COL21A1: variants seen among roughly 807,000 people sequenced by gnomAD.
COL21A1 encodes collagen type XXI alpha 1 chain.
In COL21A1, 149 loss-of-function variants were observed where a neutral mutation model predicts 137.9. The ratio of observed to expected loss-of-function variants is 1.08; its 90% CI spans 0.95 to 1.24. COL21A1 has a LOEUF of 1.24. Among genes scored for constraint, COL21A1 ranks in the 50% most tolerant of loss-of-function variants. COL21A1 has a pLI of 0.00. For synonymous variants in COL21A1, 456 were observed against 391.5 expected (o/e 1.16, Z -1.95); for missense variants, 1,167 against 1,158.4 (o/e 1.01, Z -0.11).
chr6:56,089,429 C>T (rs1220554388), intron 17 of COL21A1, among the ~76,000 whole-genome samples: 3 of 151,850 alleles, frequency 2.0e-5, no homozygotes, highest in African/African-American at 7.3e-5. Context: ...ATATTTTTTG[C>T]ACTCATGGCA....
intron 1 of COL21A1, among the ~76,000 whole-genome samples, chr6:56,267,770 A>G (rs9370496): frequency 1.7e-3 from 220 of 125,838 alleles, no homozygotes; most frequent in Middle Eastern, 4.2e-3. Flanking sequence ...AAAAAAAAAA[A>G]AAGAAGAAGA....
chr6:56,241,169 C>T (rs1057035947), intron 1 of COL21A1, among the ~76,000 whole-genome samples: 7 of 152,144 alleles, frequency 4.6e-5, no homozygotes, highest in Non-Finnish European at 1.0e-4. Flanking sequence ...TATTTGAACG[C>T]AAGGCCTTTC....
chr6:56,077,662 G>T, intron 17 of COL21A1, 89 bp from the exon 18 acceptor site: 2 of 709,204 alleles, frequency 2.8e-6, no homozygotes, highest in Non-Finnish European at 4.6e-6. Flanking sequence ...AATTTTAACT[G>T]GTAAATAACA....
At chr6:56,200,802 C>T (rs1167201494) in intron 1 of COL21A1, among the ~76,000 whole-genome samples, 1 of 152,012 alleles carries the variant, frequency 6.6e-6, no homozygotes, top group South Asian at 2.1e-4. Flanking sequence ...GATTTATAAT[C>T]CTTTGGGTAT....
intron 1 of COL21A1, among the ~76,000 whole-genome samples, chr6:56,257,478 A>G (rs3846928): frequency 0.15 from 22,889 of 152,168 alleles, 3,235 homozygotes; most frequent in East Asian, 0.61. Context: ...ATATATGAAC[A>G]CATAAATATA....
intron 1 of COL21A1, among the ~76,000 whole-genome samples, chr6:56,271,318 G>A (rs1346536465): frequency 6.6e-6 from 1 of 152,178 alleles, no homozygotes; most frequent in African/African-American, 2.4e-5. Flanking sequence ...ACTTGAGAGA[G>A]GGTATCTGGC....
intron 1 of COL21A1, among the ~76,000 whole-genome samples, chr6:56,342,392 A>G (rs1308348030): frequency 3.9e-5 from 6 of 152,322 alleles, no homozygotes; most frequent in African/African-American, 1.4e-4. Flanking sequence ...TAACTCCCAT[A>G]TTATTTGTTC....
chr6:56,091,271 C>T (rs1768790293), intron 17 of COL21A1, among the ~76,000 whole-genome samples: 1 of 152,114 alleles, frequency 6.6e-6, no homozygotes. Flanking sequence ...TACATGGTAA[C>T]TTGGACTGGC....
intron 1 of COL21A1, among the ~76,000 whole-genome samples, chr6:56,206,821 A>G (rs1275482445): frequency 1.3e-5 from 2 of 151,388 alleles, no homozygotes; most frequent in African/African-American, 4.8e-5. Context: ...CAAAAGAATG[A>G]AAATCATAAC....
chr6:56,166,438 G>A (rs1052045717), intron 7 of COL21A1, among the ~76,000 whole-genome samples: 2 of 152,046 alleles, frequency 1.3e-5, no homozygotes, highest in African/African-American at 2.4e-5. Context: ...AATCACCTGC[G>A]GTCAGGAGTT....
rs1210938153 is a variant in COL21A1, at chr6:56,056,747, A to G, written c.*910T>C. 1.3e-5 allele frequency: 2 copies of G among 152,196 alleles called. No homozygotes were observed. The highest frequency in any genetic ancestry group is 4.8e-5 in the African/African-American group (2 of 41,446). 9.4% of individuals were successfully genotyped at this position (152,196 alleles called of 1,614,324 possible). ...AATATTTTACAGTCAGCTAAAAATA[A>G]CAAGACATTCTAGGATTTCAGGAGT... On this transcript the variant is annotated 3_prime_UTR_variant, in exon 30 of 30. Coordinates refer to ENST00000244728, the MANE Select transcript of COL21A1 (RefSeq NM_030820.4).
At chr6:56,245,264 A>G (rs1782572201) in intron 1 of COL21A1, among the ~76,000 whole-genome samples, 1 of 152,226 alleles carries the variant, frequency 6.6e-6, no homozygotes. Flanking sequence ...CTATTTAAAT[A>G]TGAATGTTAA....
intron 1 of COL21A1, among the ~76,000 whole-genome samples, chr6:56,316,747 G>A (rs996842046): frequency 6.6e-6 from 1 of 151,698 alleles, no homozygotes; most frequent in Admixed American, 6.6e-5. Context: ...CTCCCAAAGT[G>A]CCCTCAGTTC....
At chr6:56,264,438 G>A (rs183510051) in intron 1 of COL21A1, among the ~76,000 whole-genome samples, 9 of 152,202 alleles carry the variant, frequency 5.9e-5, no homozygotes, top group Admixed American at 5.9e-4. Context: ...CCTTTGGGAT[G>A]TTTATTCCTA....
At chr6:56,062,232 A>C (rs1207127795) in intron 24 of COL21A1, among the ~76,000 whole-genome samples, 1 of 152,072 alleles carries the variant, frequency 6.6e-6, no homozygotes, top group African/African-American at 2.4e-5. Context: ...GAGACCAGAG[A>C]AGCAATGTCA....
At position 56,351,781 on chromosome 6, in the gene COL21A1, A is replaced by G. The variant is rs537356224; in HGVS notation, c.-39+42190T>C. On this transcript the variant is annotated intron_variant, in intron 1 of 28. Coordinates refer to the COL21A1 transcript ENST00000370819. ...TAGACCTTGCAGCCTAATGGGGCTG[A>G]TTGCTTGATAAAACAAAAATAAAAC... 2.0e-5 allele frequency among the ~76,000 whole-genome samples: 3 copies of G among 152,334 alleles called. No individual in the cohort carries two copies. In the East Asian group the frequency reaches 5.8e-4, roughly 29 times the overall value.
chr6:56,326,591 G>A (rs551651284), intron 1 of COL21A1, among the ~76,000 whole-genome samples: 1 of 152,024 alleles, frequency 6.6e-6, no homozygotes, highest in Non-Finnish European at 1.5e-5. Context: ...GAGATAGCAT[G>A]ACAAATCAAA....
At chr6:56,267,140 T>C (rs888688029) in intron 1 of COL21A1, among the ~76,000 whole-genome samples, 1 of 152,194 alleles carries the variant, frequency 6.6e-6, no homozygotes, top group Admixed American at 6.5e-5. Context: ...TAAGGTGTCA[T>C]GAAAGTTGTA....
At chr6:56,301,855 C>A (rs560385397) in intron 1 of COL21A1, among the ~76,000 whole-genome samples, 3 of 34,150 alleles carry the variant, frequency 8.8e-5, no homozygotes, top group Admixed American at 5.8e-4. Context: ...TGCTATTTCT[C>A]CCCCCCCCAA....
Sources: gnomAD v4.1 joint callset for allele counts (sites outside exome capture counted in the v4.1 genomes callset) on GRCh38, gnomAD v4.1.1 for gene constraint, MANE v1.5 for transcripts, NCBI Gene and HGNC (gene_info 2026-07-23, HGNC 2026-07-21) for gene names.